PTPRT: variants seen among roughly 807,000 people sequenced by gnomAD.
PTPRT encodes protein tyrosine phosphatase receptor type T.
PTPRT carries 56 observed loss-of-function variants against 176.8 expected under a neutral mutation model. The ratio of observed to expected loss-of-function variants is 0.32; its 90% CI spans 0.26 to 0.40. The LOEUF is 0.40. PTPRT is among the 10% of genes least tolerant of loss of function. The pLI is 1.00. For synonymous variants in PTPRT, 783 were observed against 739.0 expected (o/e 1.06, Z -0.96); for missense variants, 1,540 against 1,908.2 (o/e 0.81, Z 3.60).
chr20:42,987,708 C>T (rs149989461), intron 1 of PTPRT, among the ~76,000 whole-genome samples: 3,223 of 151,238 alleles, frequency 0.021, 46 homozygotes, highest in Middle Eastern at 0.078. Flanking sequence ...AACTTTGCTT[C>T]CTCCAAGCCA....
chr20:42,306,452 G>T (rs147467488), intron 12 of PTPRT, among the ~76,000 whole-genome samples: 509 of 152,326 alleles, frequency 3.3e-3, no homozygotes, highest in South Asian at 7.9e-3. Flanking sequence ...ACAGACAAGA[G>T]CTGTGAGTGG....
chr20:42,344,945 T>G (rs1489866393), intron 11 of PTPRT, among the ~76,000 whole-genome samples: 1 of 151,880 alleles, frequency 6.6e-6, no homozygotes, highest in African/African-American at 2.4e-5. Context: ...CTTCACTAAC[T>G]CCTCCTCATT....
chr20:42,837,914 T>G (rs924293138), intron 2 of PTPRT, among the ~76,000 whole-genome samples: 1 of 152,046 alleles, frequency 6.6e-6, no homozygotes, highest in African/African-American at 2.4e-5. Context: ...GTGTTCACAT[T>G]TGCACCCTAG....
At chr20:42,567,063 G>T (rs2073051462) in intron 7 of PTPRT, among the ~76,000 whole-genome samples, 1 of 152,160 alleles carries the variant, frequency 6.6e-6, no homozygotes, top group East Asian at 1.9e-4. Flanking sequence ...CCTGATGTCA[G>T]GAGTTCGAGA....
chr20:42,509,512 T>C (rs1034341449), intron 7 of PTPRT, among the ~76,000 whole-genome samples: 3 of 144,370 alleles, frequency 2.1e-5, no homozygotes, highest in African/African-American at 7.6e-5. Flanking sequence ...ATATAATTTA[T>C]ATTTAATTTA....
intron 25 of PTPRT, among the ~76,000 whole-genome samples, chr20:42,102,992 T>C (rs1361615181): frequency 6.6e-6 from 1 of 152,232 alleles, no homozygotes; most frequent in East Asian, 1.9e-4. Context: ...CAATAATGGC[T>C]ATTTGTTTTA....
In PTPRT at chr20:42,920,561, C is replaced by T. The variant is rs73618867; in HGVS notation, c.89-34629G>A. Among the ~76,000 whole-genome samples the T allele has an allele frequency of 6.4e-4, 97 of 151,952 alleles. No individual in the cohort carries two copies. The East Asian group carries it at 0.017, about 26-fold the overall frequency. Reference sequence around the variant, plus strand: ...ACATTTTAAAGTCTAAAAATAATACCTTAATACTTTTTTTTTTCCAAGAGG... The same window carrying T: ...ACATTTTAAAGTCTAAAAATAATACTTTAATACTTTTTTTTTTCCAAGAGG... On this transcript the variant is annotated intron_variant, in intron 1 of 30. Transcript: ENST00000373187.
the PTPRT span, among the ~76,000 whole-genome samples, chr20:42,056,405 A>C: frequency 1.3e-5 from 2 of 152,354 alleles, no homozygotes; most frequent in Middle Eastern, 6.8e-3. Context: ...GGAGGCATGA[A>C]AAATAGATAG....
At chr20:42,761,720 C>G (rs1361177123) in intron 5 of PTPRT, among the ~76,000 whole-genome samples, 2 of 152,184 alleles carry the variant, frequency 1.3e-5, no homozygotes, top group African/African-American at 4.8e-5. Context: ...TAAAAATGCA[C>G]ATCTTGATTC....
At chr20:42,193,971 T>C (rs906721663) in intron 16 of PTPRT, among the ~76,000 whole-genome samples, 1 of 152,180 alleles carries the variant, frequency 6.6e-6, no homozygotes, top group Non-Finnish European at 1.5e-5. Context: ...GTATTCTCAT[T>C]ACGACTCTGC....
intron 9 of PTPRT, among the ~76,000 whole-genome samples, chr20:42,363,942 A>T (rs1018809959): frequency 1.3e-5 from 2 of 152,148 alleles, no homozygotes; most frequent in African/African-American, 4.8e-5. Context: ...CTTTTGCTGG[A>T]AATCTCTTAA....
chr20:42,306,376 G>A (rs1356778999), intron 12 of PTPRT, among the ~76,000 whole-genome samples: 1 of 152,220 alleles, frequency 6.6e-6, no homozygotes, highest in Non-Finnish European at 1.5e-5. Flanking sequence ...CCAGGAGATG[G>A]AGTCCACTGA....
intron 7 of PTPRT, among the ~76,000 whole-genome samples, chr20:42,656,884 T>C (rs2075134171): frequency 1.3e-5 from 2 of 152,208 alleles, no homozygotes; most frequent in Non-Finnish European, 2.9e-5. Context: ...TGCCTGCTTA[T>C]ATTTTTAATA....
chr20:43,060,799 T>A (rs978744010), intron 1 of PTPRT, among the ~76,000 whole-genome samples: 6 of 152,134 alleles, frequency 3.9e-5, no homozygotes, highest in Non-Finnish European at 7.3e-5. Context: ...CTACAATCAA[T>A]AAAATGTGCC....
chr20:42,761,866 C>T (rs2076920520), intron 5 of PTPRT, among the ~76,000 whole-genome samples: 3 of 152,152 alleles, frequency 2.0e-5, no homozygotes, highest in South Asian at 2.1e-4. Context: ...TGATCTGATA[C>T]CAGACACTGA....
At chr20:42,059,905 T>C in the PTPRT span, among the ~76,000 whole-genome samples, 34 of 152,210 alleles carry the variant, frequency 2.2e-4, no homozygotes, top group African/African-American at 7.7e-4. Flanking sequence ...GGGAAAGTCA[T>C]GGAGACTTTG....
At chr20:42,962,207 T>C (rs1772741886) in intron 1 of PTPRT, among the ~76,000 whole-genome samples, 2 of 152,222 alleles carry the variant, frequency 1.3e-5, no homozygotes, top group Admixed American at 1.3e-4. Flanking sequence ...CTACACCTTC[T>C]GCCTAGTTTA....
chr20:42,321,527 A>G (rs2057798345), intron 11 of PTPRT, among the ~76,000 whole-genome samples: 2 of 152,166 alleles, frequency 1.3e-5, no homozygotes, highest in African/African-American at 4.8e-5. Context: ...AGACACACTG[A>G]TTTGAGTCAT....
chr20:43,128,515 G>T (rs1356545058), intron 1 of PTPRT, among the ~76,000 whole-genome samples: 7 of 152,186 alleles, frequency 4.6e-5, no homozygotes, highest in African/African-American at 1.7e-4. Flanking sequence ...CACTATGGGG[G>T]CCCCAAAATA....
Sources: gnomAD v4.1 joint callset for allele counts (sites outside exome capture counted in the v4.1 genomes callset) on GRCh38, gnomAD v4.1.1 for gene constraint, MANE v1.5 for transcripts, NCBI Gene and HGNC (gene_info 2026-07-23, HGNC 2026-07-21) for gene names.